Variants in ZNF721 observed in about 807,000 individuals in gnomAD.
ZNF721 encodes zinc finger protein 721.
Under a neutral mutation model 2.4 loss-of-function variants are expected in ZNF721, and 2 were observed. That is an observed-to-expected ratio of 0.82 (90% CI 0.34 to 2.58). The LOEUF (loss-of-function observed/expected upper bound fraction) is 2.58, where lower values mean the gene tolerates loss of function less well. Ranked by LOEUF, ZNF721 falls within the 30% of genes most tolerant of loss-of-function variation. The probability of loss-of-function intolerance (pLI) is 0.11; values close to 1 mark genes in which losing one functional copy is unlikely to be tolerated. For synonymous variants in ZNF721, 398 were observed against 381.8 expected (o/e 1.04, Z -0.50); for missense variants, 1,187 against 1,085.5 (o/e 1.09, Z -1.31).
chr4:472,212 C>T (rs545853478), intron 2 of ZNF721, among the ~76,000 whole-genome samples: 9 of 152,190 alleles, frequency 5.9e-5, no homozygotes, highest in Non-Finnish European at 1.2e-4. Flanking sequence ...AGGCACCTGC[C>T]ACCATGCCCA....
chr4:456,565 G>A (rs1330560854), intron 2 of ZNF721, among the ~76,000 whole-genome samples: 3 of 152,128 alleles, frequency 2.0e-5, no homozygotes, highest in Non-Finnish European at 2.9e-5. Flanking sequence ...GTACAGAGTT[G>A]AAAATTACCA....
chr4:463,566 C>T (rs1301916491), intron 2 of ZNF721, among the ~76,000 whole-genome samples: 1 of 152,138 alleles, frequency 6.6e-6, no homozygotes, highest in Non-Finnish European at 1.5e-5. Flanking sequence ...CCATGGAATG[C>T]TATGGAGCCA....
At chr4:484,409 A>C (rs1458071162) in intron 1 of ZNF721, among the ~76,000 whole-genome samples, 2 of 152,270 alleles carry the variant, frequency 1.3e-5, no homozygotes, top group Admixed American at 1.3e-4. Context: ...TTCAGGGAAT[A>C]AGAGAGATAA....
intron 1 of ZNF721, among the ~76,000 whole-genome samples, chr4:498,425 C>A (rs1553873151): frequency 6.6e-6 from 1 of 152,016 alleles, no homozygotes; most frequent in Non-Finnish European, 1.5e-5. Flanking sequence ...GAATGGGAGG[C>A]AGGTTTGTCC....
At chr4:480,060 G>A (rs1397823833) in intron 1 of ZNF721, among the ~76,000 whole-genome samples, 5 of 152,088 alleles carry the variant, frequency 3.3e-5, no homozygotes, top group African/African-American at 1.2e-4. Flanking sequence ...CAGTGATTCA[G>A]GATGTCAATT....
At chr4:485,888 T>C (rs1236549380) in intron 1 of ZNF721, among the ~76,000 whole-genome samples, 1 of 152,070 alleles carries the variant, frequency 6.6e-6, no homozygotes, top group Non-Finnish European at 1.5e-5. Flanking sequence ...GGCAGGAGAA[T>C]TGCTTGAACC....
chr4:495,472 A>G (rs1716127634), intron 1 of ZNF721, among the ~76,000 whole-genome samples: 2 of 87,148 alleles, frequency 2.3e-5, no homozygotes, highest in Admixed American at 2.4e-4. Context: ...TTTTTTTTTG[A>G]GATGGAATCT....
chr4:477,128 T>A (rs1323563855), intron 1 of ZNF721, among the ~76,000 whole-genome samples: 2 of 152,184 alleles, frequency 1.3e-5, no homozygotes, highest in Admixed American at 6.5e-5. Context: ...ATTGATCTAT[T>A]TTCCTCCCTT....
At position 472,614 on chromosome 4, in the gene ZNF721, C is replaced by T; in HGVS notation, c.-6G>A. On this transcript the variant is annotated 5_prime_UTR_variant, in exon 2 of 3. Transcript: ENST00000511833. ...TTTCTGTAGTTCTCCAACATCACAT[C>T]TCTATACAAATTCTGCTGGGCAGGG... is the stretch of plus-strand genomic sequence containing the variant. 1 of 1,614,052 alleles carries T rather than the reference C, an allele frequency of 6.2e-7. No homozygotes were observed.
intron 1 of ZNF721, 54 bp from the exon 2 acceptor site, chr4:472,755 ATGTG>A (rs1715478651): frequency 6.2e-7 from 1 of 1,601,966 alleles, no homozygotes; most frequent in Non-Finnish European, 8.5e-7. Flanking sequence ...TACAGGTGAA[ATGTG>A]TTAAGAGAAC....
intron 1 of ZNF721, among the ~76,000 whole-genome samples, chr4:474,675 G>C (rs1715578908): frequency 6.6e-6 from 1 of 152,034 alleles, no homozygotes; most frequent in Non-Finnish European, 1.5e-5. Context: ...AGGAGTTCAA[G>C]ACCAGCCTGG....
chr4:496,420 C>CT (rs1716154159), intron 1 of ZNF721, among the ~76,000 whole-genome samples: 1 of 152,018 alleles, frequency 6.6e-6, no homozygotes, highest in African/African-American at 2.4e-5. Flanking sequence ...GTATGTTCTT[C>CT]TGGGGGGGAA....
At chr4:463,573 G>A (rs1388233582) in intron 2 of ZNF721, among the ~76,000 whole-genome samples, 5 of 152,190 alleles carry the variant, frequency 3.3e-5, no homozygotes, top group Admixed American at 3.3e-4. Context: ...ATGCTATGGA[G>A]CCATAAAAAA....
In ZNF721 at chr4:442,616, C is replaced by A. The variant is rs781851503; in HGVS notation, c.1851G>T (p.Glu617Asp). The A allele has an allele frequency of 1.2e-6, 2 of 1,613,686 alleles. No homozygotes were observed. The highest frequency in any genetic ancestry group is 2.2e-5 in the East Asian group (1 of 44,786). Residue 617 changes from glutamate (E) to aspartate (D), a missense_variant, in exon 3 of 3, where the codon GAG becomes GAT. By Grantham distance (45) the Glu-to-Asp change is conservative. Coordinates refer to ENST00000511833, the MANE Select transcript of ZNF721 (RefSeq NM_133474.4). ...HTGEKLYKCE[E>D]CGKDFVWYTD... ...TGTACCATACAAAGTCTTTGCCACA[C>A]TCTTCACATTTGTAAAGTTTCTCTC...
At chr4:484,578 C>A (rs1172517868) in intron 1 of ZNF721, among the ~76,000 whole-genome samples, 1 of 152,212 alleles carries the variant, frequency 6.6e-6, no homozygotes, top group African/African-American at 2.4e-5. Flanking sequence ...AAACAGCGCC[C>A]CCAGGCATGG....
intron 2 of ZNF721, among the ~76,000 whole-genome samples, chr4:466,568 T>C (rs1553866789): frequency 1.3e-5 from 2 of 152,218 alleles, no homozygotes; most frequent in Admixed American, 1.3e-4. Context: ...CCATTACCAC[T>C]ACCAAAGAAG....
At chr4:462,409 A>AGG (rs1715098056) in intron 2 of ZNF721, among the ~76,000 whole-genome samples, 3 of 152,230 alleles carry the variant, frequency 2.0e-5, no homozygotes, top group African/African-American at 7.2e-5. Flanking sequence ...ACTACTTTAA[A>AGG]TTTCATATGG....
chr4:444,457 T>C lies in ZNF721; in HGVS notation c.35-25A>G, dbSNP rs781840606. The C allele has an allele frequency of 1.1e-5, 17 of 1,536,630 alleles. No individual in the cohort carries two copies. In the African/African-American group the frequency reaches 2.4e-4, roughly 21 times the overall value. On this transcript the variant is annotated intron_variant, in intron 2 of 2. Coordinates refer to ENST00000511833, the MANE Select transcript of ZNF721 (RefSeq NM_133474.4). ...GCTGAAAGAAACAAAAATAACAAATTATCCCAGTTACTAGATTCATATGCA... is the reference window on the plus strand; with the variant it reads ...GCTGAAAGAAACAAAAATAACAAATCATCCCAGTTACTAGATTCATATGCA...
chr4:467,526 T>A (rs544736985), intron 2 of ZNF721, among the ~76,000 whole-genome samples: 2 of 152,314 alleles, frequency 1.3e-5, no homozygotes, highest in South Asian at 4.1e-4. Flanking sequence ...AAGGGTTATT[T>A]GGAAAAAGCA....
Sources: allele counts gnomAD v4.1 joint callset (sites outside exome capture counted in the v4.1 genomes callset), GRCh38; gene constraint gnomAD v4.1.1; transcripts MANE v1.5; gene names NCBI Gene and HGNC (gene_info 2026-07-23, HGNC 2026-07-21).